KCNK15: variants seen among roughly 807,000 people sequenced by gnomAD.
KCNK15 encodes the protein potassium channel subfamily K member 15.
In KCNK15, 9 loss-of-function variants were observed where a neutral mutation model predicts 8.5. The ratio of observed to expected loss-of-function variants is 1.06; its 90% CI spans 0.64 to 1.85. KCNK15 has a LOEUF of 1.85. KCNK15 is among the 40% of genes most tolerant of loss of function. KCNK15 has a pLI of 0.00. For synonymous variants in KCNK15, 224 were observed against 232.7 expected (o/e 0.96, Z 0.34); for missense variants, 467 against 476.8 (o/e 0.98, Z 0.19).
chr20:44,746,313 G>T (rs763043025), intron 1 of KCNK15, 120 bp downstream of exon 1: 22 of 903,648 alleles, frequency 2.4e-5, no homozygotes, highest in African/African-American at 3.5e-5. Context: ...GGTCATTTCG[G>T]CTCACCGAGC....
In KCNK15 at chr20:44,746,133, GGCC is replaced by G. The variant is rs2066006225; in HGVS notation, c.227_229del (p.Arg76del). 7.0e-7 allele frequency: 1 copy of G among 1,425,840 alleles called. No homozygotes were observed. The highest frequency in any genetic ancestry group is 9.2e-7 in the Non-Finnish European group (1 of 1,082,838). The allele number at this position is 1,425,840 out of a possible 1,614,324, so 88.3% of individuals were successfully genotyped here. A position where few individuals can be genotyped will look rare whatever the true frequency, so the allele number is the denominator to read the frequency against. On this transcript the variant is annotated inframe_deletion, in exon 1 of 2. Transcript: ENST00000372861. ...GCTCCAGGCTGAGCCCCACCGCGCC[GGCC>G]GCCAGTGGAAGTTCCCCGGCTCCTT...
Position 44,745,883 on chromosome 20 carries a change from C to T in KCNK15, c.-28C>T. 1.1e-5 allele frequency: 14 copies of T among 1,279,090 alleles called. No individual in the cohort carries two copies. Among genetic ancestry groups the T allele is most frequent in the Non-Finnish European group, 1.4e-5 (14 of 1,011,646 alleles). The allele number at this position is 1,279,090 out of a possible 1,614,324, so 79.2% of individuals were successfully genotyped here. On this transcript the variant is annotated 5_prime_UTR_variant, in exon 1 of 2. Transcript: ENST00000372861. ...TCCGGGCACACGGAGCAGGTTGGGA[C>T]CGCGGCGGGTACCGGGGCCGGGGCG...
Position 44,750,871 on chromosome 20 carries a change from T to C in KCNK15, c.*33T>C. On this transcript the variant is annotated 3_prime_UTR_variant, in exon 2 of 2. Coordinates refer to ENST00000372861, the MANE Select transcript of KCNK15 (RefSeq NM_022358.4). The stretch of plus-strand genomic sequence containing the variant: ...ACCCAGGCCAGGGTCGAATCTGGAA[T>C]GGGAGGGTCTGGCTTCAGCTATCAG... The C allele has an allele frequency of 3.8e-6, 5 of 1,310,868 alleles. No homozygotes were observed. The highest frequency in any genetic ancestry group is 3.9e-6 in the Non-Finnish European group (4 of 1,018,408). The allele number at this position is 1,310,868 out of a possible 1,614,324, so 81.2% of individuals were successfully genotyped here.
rs540947569 is a variant in KCNK15, at chr20:44,751,760, T to C, written c.*922T>C. 2 of 152,208 alleles carry C rather than the reference T, an allele frequency of 1.3e-5. No homozygotes were observed. The highest frequency in any genetic ancestry group is 2.9e-5 in the Non-Finnish European group (2 of 68,034). 9.4% of individuals were successfully genotyped at this position (152,208 alleles called of 1,614,324 possible). On this transcript the variant is annotated 3_prime_UTR_variant, in exon 2 of 2. Transcript: ENST00000372861. ...CCCCGTGGCACTCAGCCACTTCCCC[T>C]GGCTTCCCAGATAGGGCTGTCTCAA...
Position 44,750,253 on chromosome 20 carries a change from G to A in KCNK15, c.408G>A (p.Val136=), listed in dbSNP as rs1314315550. The part of the protein sequence containing the change: ...QSLGERLNAV[V]RRLLLAAKCC... ...TGGGCGAACGGCTGAACGCGGTGGT[G>A]CGGCGCCTCCTGTTGGCGGCCAAGT... The change falls in exon 2 of 2, where the codon GTG becomes GTA. Residue 136 remains valine (V), a synonymous_variant. Coordinates refer to ENST00000372861, the MANE Select transcript of KCNK15 (RefSeq NM_022358.4). 2.5e-6 allele frequency: 4 copies of A among 1,608,286 alleles called. No homozygotes were observed. Among genetic ancestry groups the A allele is most frequent in the African/African-American group, 2.7e-5 (2 of 74,912 alleles).
chr20:44,747,565 A>G (rs1373716866), intron 1 of KCNK15, among the ~76,000 whole-genome samples: 1 of 151,984 alleles, frequency 6.6e-6, no homozygotes, highest in Non-Finnish European at 1.5e-5. Context: ...CTTTATCTAC[A>G]TTCTTTGGAG....
Position 44,750,149 on chromosome 20 carries a change from G to C in KCNK15, c.304G>C (p.Gly102Arg). 1.2e-6 allele frequency: 2 copies of C among 1,610,952 alleles called. No homozygotes were observed. The highest frequency in any genetic ancestry group is 1.7e-6 in the Non-Finnish European group (2 of 1,179,382). ...TTIEYGHAAP[G>R]TDSGKVFCMF... ...CATAGAGTACGGCCACGCCGCGCCG[G>C]GTACGGACTCCGGCAAGGTCTTCTG... Residue 102 changes from glycine to arginine, a missense_variant, in exon 2 of 2, where the codon GGT (glycine) becomes CGT (arginine). By Grantham distance (125) the Gly-to-Arg change is moderately radical. This residue lies in a region of KCNK15 where 455 missense variants were observed against 441.2 expected (regional missense o/e 1.03). Coordinates refer to ENST00000372861, the MANE Select transcript of KCNK15 (RefSeq NM_022358.4).
At chr20:44,746,516 G>T in intron 1 of KCNK15, 1 of 260,098 alleles carries the variant, frequency 3.8e-6, no homozygotes, top group Non-Finnish European at 7.2e-6. Context: ...AGACCAAGTG[G>T]CTGGATTTGC....
chr20:44,750,830 T>C lies in KCNK15; in HGVS notation c.985T>C (p.Ser329Pro). 1 of 1,456,830 alleles carries C rather than the reference T, an allele frequency of 6.9e-7. No homozygotes were observed. Among genetic ancestry groups the C allele is most frequent in the Non-Finnish European group, 9.0e-7 (1 of 1,107,292 alleles). The allele number at this position is 1,456,830 out of a possible 1,614,324, so 90.2% of individuals were successfully genotyped here. Residue 329 changes from serine (S) to proline (P), a missense_variant, in exon 2 of 2, where the codon TCC becomes CCC. Physicochemically the swap from Ser to Pro is moderately conservative, Grantham distance 74. Transcript: ENST00000372861. ...TCCCAGGCTTGGGGCCCGGTGGAAG[T>C]CCATCTGACAACCCCACCCAGGCCA... ...QAPRLGARWKSI is the reference protein window; with the variant it reads ...QAPRLGARWKPI
At chr20:44,750,082 G>C (rs1400409318) in intron 1 of KCNK15, 47 bp from the exon 2 acceptor site, 4 of 1,531,506 alleles carry the variant, frequency 2.6e-6, no homozygotes, top group Admixed American at 1.8e-5. Context: ...ACTGTTGTCA[G>C]CTGGAGCTGG....
rs2066006562 is a variant in KCNK15, at chr20:44,746,162, CT to C, written c.253del (p.Tyr85ThrfsTer36). On this transcript the variant is annotated frameshift_variant, in exon 1 of 2. Transcript: ENST00000372861. LOFTEE classifies it low-confidence loss of function (END_TRUNC). The stretch of plus-strand genomic sequence containing the variant: ...GCCAGTGGAAGTTCCCCGGCTCCTT[CT>C]ACTTCGCCATCACCGTCATCACTAC... ...GRQWKFPGSF[Y>X]FAITVITTIE... 1 of 1,419,094 alleles carries C rather than the reference CT, an allele frequency of 7.0e-7. No homozygotes were observed. The highest frequency in any genetic ancestry group is 9.3e-7 in the Non-Finnish European group (1 of 1,080,148). 87.9% of individuals were successfully genotyped at this position (1,419,094 alleles called of 1,614,324 possible).
Position 44,750,822 on chromosome 20 carries a change from G to C in KCNK15, c.977G>C (p.Arg326Pro). The C allele has an allele frequency of 3.4e-6, 5 of 1,465,810 alleles. No individual in the cohort carries two copies. Among genetic ancestry groups the C allele is most frequent in the East Asian group, 2.8e-5 (1 of 35,334 alleles). 90.8% of individuals were successfully genotyped at this position (1,465,810 alleles called of 1,614,324 possible). A position where few individuals can be genotyped will look rare whatever the true frequency, so the allele number is the denominator to read the frequency against. The change falls in exon 2 of 2, where the codon CGG becomes CCG. Residue 326 changes from arginine (R) to proline (P), a missense_variant. Arg to Pro is a moderately radical substitution (Grantham distance 103). Coordinates refer to ENST00000372861, the MANE Select transcript of KCNK15 (RefSeq NM_022358.4). ...RGGQAPRLGARWKSI is the reference protein window; with the variant it reads ...RGGQAPRLGAPWKSI Reference sequence around the variant, plus strand: ...GGGCAGGCTCCCAGGCTTGGGGCCCGGTGGAAGTCCATCTGACAACCCCAC... The same window carrying C: ...GGGCAGGCTCCCAGGCTTGGGGCCCCGTGGAAGTCCATCTGACAACCCCAC...
chr20:44,745,937 C>G lies in KCNK15; in HGVS notation c.27C>G (p.Ala9=). The G allele has an allele frequency of 7.4e-7, 1 of 1,349,158 alleles. No homozygotes were observed. Among genetic ancestry groups the G allele is most frequent in the Non-Finnish European group, 9.6e-7 (1 of 1,045,620 alleles). 83.6% of individuals were successfully genotyped at this position (1,349,158 alleles called of 1,614,324 possible). A position where few individuals can be genotyped will look rare whatever the true frequency, so the allele number is the denominator to read the frequency against. MRRPSVRA[A]GLVLCTLCYL... Reference sequence around the variant, plus strand: ...TGCGGAGGCCGAGCGTGCGCGCGGCCGGGCTGGTCCTGTGCACCCTGTGTT... The same window carrying G: ...TGCGGAGGCCGAGCGTGCGCGCGGCGGGGCTGGTCCTGTGCACCCTGTGTT... The change falls in exon 1 of 2, where the codon GCC becomes GCG. Residue 9 remains alanine (A), a synonymous_variant. Coordinates refer to ENST00000372861, the MANE Select transcript of KCNK15 (RefSeq NM_022358.4).
rs2066025712 is a variant in KCNK15 at position 44,750,569 on chromosome 20, G to A, written c.724G>A (p.Val242Met). ...GGTCATTGGCGCCTTCCTCAACCTG[G>A]TGGTCCTGCGCTTCCTCGTTGCCAG... ...LTVIGAFLNL[V>M]VLRFLVASAD... Residue 242 changes from valine (V) to methionine (M), a missense_variant, in exon 2 of 2, where the codon GTG becomes ATG. Physicochemically the swap from Val to Met is conservative, Grantham distance 21. Around this residue, in one of 2 missense-constraint regions of KCNK15, gnomAD observed 455 missense variants for 441.2 expected, o/e 1.03. Coordinates refer to ENST00000372861, the MANE Select transcript of KCNK15 (RefSeq NM_022358.4). 6.2e-7 allele frequency: 1 copy of A among 1,603,902 alleles called. No individual in the cohort carries two copies. Among genetic ancestry groups the A allele is most frequent in the African/African-American group, 1.3e-5 (1 of 74,592 alleles).
In KCNK15 at chr20:44,750,413, T is replaced by C. The variant is rs1316641489; in HGVS notation, c.568T>C (p.Tyr190His). 1 of 1,613,982 alleles carries C rather than the reference T, an allele frequency of 6.2e-7. No individual in the cohort carries two copies. The highest frequency in any genetic ancestry group is 1.7e-5 in the Admixed American group (1 of 60,026). ...HFEGWTFFHA[Y>H]YYCFITLTTI... ...CGAGGGCTGGACCTTCTTCCACGCCTACTACTACTGCTTCATCACCCTCAC... is the reference window on the plus strand; with the variant it reads ...CGAGGGCTGGACCTTCTTCCACGCCCACTACTACTGCTTCATCACCCTCAC... The change falls in exon 2 of 2, where the codon TAC becomes CAC. Residue 190 changes from tyrosine to histidine, a missense_variant. Around this residue, in one of 2 missense-constraint regions of KCNK15, gnomAD observed 455 missense variants for 441.2 expected, o/e 1.03. Coordinates refer to ENST00000372861, the MANE Select transcript of KCNK15 (RefSeq NM_022358.4).
chr20:44,750,676 C>T lies in KCNK15; in HGVS notation c.831C>T (p.Pro277=). Residue 277 remains proline (P), a synonymous_variant, in exon 2 of 2, where the codon CCC becomes CCT. Transcript: ENST00000372861. ...GAPESRGLWL[P]RRPARSVGSA... ...CCGAGAGCCGTGGCCTCTGGCTGCC[C>T]CGCCGCCCGGCCCGCTCCGTGGGCT... 1 of 1,480,782 alleles carries T rather than the reference C, an allele frequency of 6.8e-7. No homozygotes were observed. Among genetic ancestry groups the T allele is most frequent in the Non-Finnish European group, 8.9e-7 (1 of 1,122,982 alleles). 91.7% of individuals were successfully genotyped at this position (1,480,782 alleles called of 1,614,324 possible).
rs748909778 is a variant in KCNK15, at chr20:44,746,136, C to A, written c.226C>A (p.Arg76Ser). 4.2e-6 allele frequency: 6 copies of A among 1,424,882 alleles called. No individual in the cohort carries two copies. The highest frequency in any genetic ancestry group is 1.5e-5 in the South Asian group (1 of 65,988). 88.3% of individuals were successfully genotyped at this position (1,424,882 alleles called of 1,614,324 possible). Residue 76 changes from arginine to serine, a missense_variant, in exon 1 of 2, where the codon CGC (arginine) becomes AGC (serine). Physicochemically the swap from Arg to Ser is moderately radical, Grantham distance 110. Coordinates refer to ENST00000372861, the MANE Select transcript of KCNK15 (RefSeq NM_022358.4). ...ALQAEPHRAGRQWKFPGSFYF... is the reference protein window; with the variant it reads ...ALQAEPHRAGSQWKFPGSFYF... ...CCAGGCTGAGCCCCACCGCGCCGGC[C>A]GCCAGTGGAAGTTCCCCGGCTCCTT...
At position 44,750,244 on chromosome 20, in the gene KCNK15, C is replaced by A. The variant is rs1238075754; in HGVS notation, c.399C>A (p.Asn133Lys). Reference sequence around the variant, plus strand: ...TCCAGAGCCTGGGCGAACGGCTGAACGCGGTGGTGCGGCGCCTCCTGTTGG... The same window carrying A: ...TCCAGAGCCTGGGCGAACGGCTGAAAGCGGTGGTGCGGCGCCTCCTGTTGG... ...VTFQSLGERLNAVVRRLLLAA... is the reference protein window; with the variant it reads ...VTFQSLGERLKAVVRRLLLAA... The change falls in exon 2 of 2, where the codon AAC (asparagine) becomes AAA (lysine). Residue 133 changes from asparagine (N) to lysine (K), a missense_variant. Physicochemically the swap from Asn to Lys is moderately conservative, Grantham distance 94. Around this residue, in one of 2 missense-constraint regions of KCNK15, gnomAD observed 455 missense variants for 441.2 expected, o/e 1.03. Coordinates refer to ENST00000372861, the MANE Select transcript of KCNK15 (RefSeq NM_022358.4). 1.2e-6 allele frequency: 2 copies of A among 1,609,246 alleles called. No homozygotes were observed. The highest frequency in any genetic ancestry group is 1.7e-6 in the Non-Finnish European group (2 of 1,178,412).
At chr20:44,748,051 G>A (rs571375197) in intron 1 of KCNK15, among the ~76,000 whole-genome samples, 2 of 152,322 alleles carry the variant, frequency 1.3e-5, no homozygotes, top group African/African-American at 4.8e-5. Flanking sequence ...GGTTAAATCT[G>A]ATAATCCATG....
Sources: allele counts gnomAD v4.1 joint callset (sites outside exome capture counted in the v4.1 genomes callset), GRCh38; gene constraint gnomAD v4.1.1; regional missense constraint gnomAD v4.1.1; transcripts MANE v1.5; gene names NCBI Gene and HGNC (gene_info 2026-07-23, HGNC 2026-07-21).